MAGI1: variants seen among roughly 807,000 people sequenced by gnomAD.
MAGI1 encodes membrane associated guanylate kinase, WW and PDZ domain containing 1.
MAGI1 carries 58 observed loss-of-function variants against 139.9 expected under a neutral mutation model. The ratio of observed to expected loss-of-function variants is 0.41; its 90% CI spans 0.34 to 0.52. The LOEUF (loss-of-function observed/expected upper bound fraction) is 0.52. Among genes scored for constraint, MAGI1 ranks in the 20% least tolerant of loss-of-function variants. The probability of loss-of-function intolerance (pLI) is 0.12; values close to 1 mark genes in which losing one functional copy is unlikely to be tolerated. For synonymous variants in MAGI1, 812 were observed against 737.9 expected (o/e 1.10, Z -1.63); for missense variants, 1,874 against 1,901.6 (o/e 0.99, Z 0.27).
intron 1 of MAGI1, among the ~76,000 whole-genome samples, chr3:65,827,276 T>C (rs146329019): frequency 6.6e-6 from 1 of 152,148 alleles, no homozygotes. Context: ...ACTTTCAGAA[T>C]GTCGAAAGTT....
chr3:65,474,687 CA>C (rs1950765872), intron 4 of MAGI1, among the ~76,000 whole-genome samples: 1 of 151,944 alleles, frequency 6.6e-6, no homozygotes, highest in East Asian at 1.9e-4. Flanking sequence ...CAACATAAGC[CA>C]AGTCAAAGAA....
intron 1 of MAGI1, among the ~76,000 whole-genome samples, chr3:65,744,262 A>G (rs910658002): frequency 1.3e-5 from 2 of 152,220 alleles, no homozygotes; most frequent in African/African-American, 4.8e-5. Flanking sequence ...TGAATAGTAT[A>G]GAATCTATAG....
At chr3:65,397,925 A>G (rs1944521333) in intron 13 of MAGI1, among the ~76,000 whole-genome samples, 1 of 152,110 alleles carries the variant, frequency 6.6e-6, no homozygotes, top group South Asian at 2.1e-4. Context: ...TTCTTATCCA[A>G]TATTGGCACT....
At chr3:65,547,636 C>G (rs141843421) in intron 2 of MAGI1, among the ~76,000 whole-genome samples, 1 of 151,984 alleles carries the variant, frequency 6.6e-6, no homozygotes, top group Non-Finnish European at 1.5e-5. Context: ...GATTCAAATC[C>G]GAGCACAGTC....
chr3:66,013,275 TG>T (rs2067429735), intron 1 of MAGI1, among the ~76,000 whole-genome samples: 1 of 151,512 alleles, frequency 6.6e-6, no homozygotes, highest in Non-Finnish European at 1.5e-5. Context: ...TGGTGGCACA[TG>T]CCTGTAATCC....
intron 1 of MAGI1, among the ~76,000 whole-genome samples, chr3:65,723,133 C>T (rs2033231994): frequency 6.6e-6 from 1 of 152,102 alleles, no homozygotes; most frequent in Non-Finnish European, 1.5e-5. Context: ...GCCTTAGAGT[C>T]TGAACTAGTG....
chr3:65,441,125 T>A (rs2107425614), intron 8 of MAGI1, among the ~76,000 whole-genome samples: 1 of 152,104 alleles, frequency 6.6e-6, no homozygotes, highest in East Asian at 1.9e-4. Flanking sequence ...CATACCCGGC[T>A]AATTTTTGTA....
intron 1 of MAGI1, among the ~76,000 whole-genome samples, chr3:65,773,849 A>G (rs2038157962): frequency 6.6e-6 from 1 of 152,146 alleles, no homozygotes; most frequent in Non-Finnish European, 1.5e-5. Context: ...AATTCGATAT[A>G]AAGATTAAAA....
intron 1 of MAGI1, among the ~76,000 whole-genome samples, chr3:65,971,914 C>T (rs926893736): frequency 2.6e-5 from 4 of 152,164 alleles, no homozygotes; most frequent in Non-Finnish European, 5.9e-5. Flanking sequence ...CTCTTGGGCA[C>T]ACTTAATAAT....
At chr3:65,622,210 T>C in intron 1 of MAGI1, 122 bp from the exon 2 acceptor site, 1 of 731,794 alleles carries the variant, frequency 1.4e-6, no homozygotes, top group Non-Finnish European at 2.4e-6. Context: ...CCCTAGTCAT[T>C]AGGAGGATGT....
At chr3:65,539,600 G>A (rs912981219) in intron 2 of MAGI1, among the ~76,000 whole-genome samples, 1 of 152,136 alleles carries the variant, frequency 6.6e-6, no homozygotes, top group Non-Finnish European at 1.5e-5. Context: ...AATGAGGAGG[G>A]TGCAAGGAAA....
intron 1 of MAGI1, among the ~76,000 whole-genome samples, chr3:65,708,568 G>A (rs906701347): frequency 1.3e-5 from 2 of 152,132 alleles, no homozygotes; most frequent in Non-Finnish European, 2.9e-5. Flanking sequence ...AGGCTTGGGG[G>A]CAGTCAGGTG....
intron 1 of MAGI1, among the ~76,000 whole-genome samples, chr3:65,845,193 G>A (rs1363311454): frequency 6.6e-6 from 1 of 151,792 alleles, no homozygotes; most frequent in African/African-American, 2.4e-5. Flanking sequence ...GGCGGTTGCA[G>A]TGAGCTGAGA....
intron 3 of MAGI1, among the ~76,000 whole-genome samples, chr3:65,491,008 C>T (rs2107660406): frequency 6.6e-6 from 1 of 152,204 alleles, no homozygotes; most frequent in Non-Finnish European, 1.5e-5. Flanking sequence ...AATAACTATG[C>T]AACATTCACA....
At chr3:65,844,414 C>A in intron 1 of MAGI1, 2 of 345,308 alleles carry the variant, frequency 5.8e-6, no homozygotes, top group Admixed American at 4.0e-5. Context: ...CCAGAAGAAA[C>A]TGAAGAAACA....
intron 2 of MAGI1, among the ~76,000 whole-genome samples, chr3:65,621,718 G>A (rs995649400): frequency 6.6e-6 from 1 of 152,014 alleles, no homozygotes; most frequent in African/African-American, 2.4e-5. Flanking sequence ...TTACTAACAC[G>A]TCCTTTCCAC....
intron 14 of MAGI1, among the ~76,000 whole-genome samples, chr3:65,390,526 A>C (rs1458595853): frequency 6.6e-6 from 1 of 152,202 alleles, no homozygotes; most frequent in African/African-American, 2.4e-5. Context: ...GACGTTAAAC[A>C]TGAGGGTGAT....
chr3:65,937,634 T>G (rs1261580433), intron 1 of MAGI1, among the ~76,000 whole-genome samples: 1 of 152,174 alleles, frequency 6.6e-6, no homozygotes, highest in South Asian at 2.1e-4. Context: ...CAACTGGCTA[T>G]GCCTAACCTG....
chr3:65,876,347 A>AC (rs111595949), intron 1 of MAGI1, among the ~76,000 whole-genome samples: 210 of 147,990 alleles, frequency 1.4e-3, no homozygotes, highest in Non-Finnish European at 2.3e-3. Flanking sequence ...CCCACTCACC[A>AC]CCCCCCCCAA....
Sources: gnomAD v4.1 joint callset for allele counts (sites outside exome capture counted in the v4.1 genomes callset) on GRCh38, gnomAD v4.1.1 for gene constraint, MANE v1.5 for transcripts, NCBI Gene and HGNC (gene_info 2026-07-23, HGNC 2026-07-21) for gene names.